The following MCC variants were observed in gnomAD, a reference collection of about 807,000 sequenced individuals.
MCC encodes the protein colorectal mutant cancer protein.
MCC carries 90 observed loss-of-function variants against 116.2 expected under a neutral mutation model. That is an observed-to-expected ratio of 0.77 (90% CI 0.65 to 0.92). The LOEUF is 0.92. Among genes scored for constraint, MCC ranks in the 40% least tolerant of loss-of-function variants. The pLI, the probability that MCC is intolerant of heterozygous loss-of-function variation, is 0.00. For synonymous variants in MCC, 578 were observed against 510.5 expected (o/e 1.13, Z -1.78); for missense variants, 1,516 against 1,312.2 (o/e 1.16, Z -2.40).
rs1380454877 is a variant in MCC at position 113,063,701 on chromosome 5, C to G, written c.2213+283G>C. Among the ~76,000 whole-genome samples, 4 of 152,348 alleles carry G rather than the reference C, an allele frequency of 2.6e-5. 1 individual carries two copies. The Middle Eastern group carries it at 0.014, about 518-fold the overall frequency. ...ACAGAACAATGCAGAGAAAATGGATCTGACAGAAAGGTAGGTTTGCATTCC... is the reference window on the plus strand; with the variant it reads ...ACAGAACAATGCAGAGAAAATGGATGTGACAGAAAGGTAGGTTTGCATTCC... On this transcript the variant is annotated intron_variant, in intron 14 of 18. Coordinates refer to ENST00000408903, the MANE Select transcript of MCC (RefSeq NM_001085377.2).
At chr5:113,027,616 C>G in intron 18 of MCC, 134 bp from the exon 19 acceptor site, 1 of 846,244 alleles carries the variant, frequency 1.2e-6, no homozygotes, top group Non-Finnish European at 1.9e-6. Context: ...CGGTAAGAAT[C>G]TGAAATCTAG....
intron 2 of MCC, among the ~76,000 whole-genome samples, chr5:113,379,005 G>C (rs1769047711): frequency 6.6e-6 from 1 of 152,192 alleles, no homozygotes; most frequent in African/African-American, 2.4e-5. Flanking sequence ...GTAGCATACA[G>C]AATACCTCAC....
chr5:113,306,591 T>C (rs1190563832), intron 3 of MCC, among the ~76,000 whole-genome samples: 1 of 152,252 alleles, frequency 6.6e-6, no homozygotes, highest in Non-Finnish European at 1.5e-5. Context: ...TGTTTAATTT[T>C]AAGATTTCTT....
chr5:113,223,633 T>C (rs907745045), intron 3 of MCC, among the ~76,000 whole-genome samples: 3 of 151,912 alleles, frequency 2.0e-5, no homozygotes, highest in Admixed American at 6.6e-5. Flanking sequence ...AGGGATTAAA[T>C]GGTAATTCGA....
At chr5:113,055,597 G>A (rs866884175) in intron 14 of MCC, among the ~76,000 whole-genome samples, 7 of 152,184 alleles carry the variant, frequency 4.6e-5, no homozygotes, top group African/African-American at 7.2e-5. Context: ...TTGGGGCTGC[G>A]TCTCACTCCC....
intron 1 of MCC, among the ~76,000 whole-genome samples, chr5:113,390,757 G>A (rs1769380092): frequency 6.6e-6 from 1 of 152,128 alleles, no homozygotes; most frequent in Admixed American, 6.6e-5. Context: ...GTTGGAATGA[G>A]GGCTATACAG....
At chr5:113,124,888 G>C (rs537922753) in intron 5 of MCC, among the ~76,000 whole-genome samples, 3 of 152,258 alleles carry the variant, frequency 2.0e-5, no homozygotes, top group African/African-American at 7.2e-5. Flanking sequence ...GGTGAACACT[G>C]GTGGAATATC....
intron 3 of MCC, among the ~76,000 whole-genome samples, chr5:113,289,411 G>C (rs1450411606): frequency 6.6e-6 from 1 of 151,884 alleles, no homozygotes; most frequent in Non-Finnish European, 1.5e-5. Flanking sequence ...CTTCTGGAGT[G>C]GGTTTAAATT....
At chr5:113,227,848 A>C (rs1581278804) in intron 3 of MCC, among the ~76,000 whole-genome samples, 1 of 152,170 alleles carries the variant, frequency 6.6e-6, no homozygotes, top group African/African-American at 2.4e-5. Flanking sequence ...CATTTTTTAG[A>C]CCTGCCATGG....
At chr5:113,184,719 A>G (rs1022149317) in intron 3 of MCC, among the ~76,000 whole-genome samples, 2 of 152,150 alleles carry the variant, frequency 1.3e-5, no homozygotes, top group Non-Finnish European at 2.9e-5. Context: ...GGACAGGTAT[A>G]AGTAAAGTGG....
At chr5:113,044,802 G>A (rs1751961592) in intron 16 of MCC, among the ~76,000 whole-genome samples, 1 of 152,210 alleles carries the variant, frequency 6.6e-6, no homozygotes, top group Non-Finnish European at 1.5e-5. Flanking sequence ...TCAAACTCCT[G>A]ACCTCAGGTA....
chr5:113,143,451 C>CTCAGTG (rs1759310103), intron 4 of MCC, 91 bp from the exon 5 acceptor site: 1 of 1,341,034 alleles, frequency 7.5e-7, no homozygotes, highest in Admixed American at 2.1e-5. Context: ...ACCATTACAA[C>CTCAGTG]TGCCAACACT....
intron 1 of MCC, among the ~76,000 whole-genome samples, chr5:113,437,953 T>G (rs749934256): frequency 6.6e-5 from 10 of 152,162 alleles, no homozygotes; most frequent in Non-Finnish European, 1.3e-4. Context: ...GGGATTCTCT[T>G]TGGATACCAT....
intron 3 of MCC, among the ~76,000 whole-genome samples, chr5:113,173,293 T>C (rs1241107207): frequency 3.3e-5 from 5 of 152,334 alleles, no homozygotes; most frequent in African/African-American, 9.6e-5. Flanking sequence ...TTAAACCTTT[T>C]ATTCATCTGG....
chr5:113,052,570 G>C (rs947169731), intron 15 of MCC, among the ~76,000 whole-genome samples: 1 of 152,200 alleles, frequency 6.6e-6, no homozygotes, highest in South Asian at 2.1e-4. Context: ...ACAGGGCTGT[G>C]CTGAGTGAGT....
rs189964515 is a variant in MCC at position 113,238,061 on chromosome 5, T to C, written c.628-86639A>G. The stretch of plus-strand genomic sequence containing the variant: ...AAAATTTCTGGCTGCAAGACTGATA[T>C]CAGACAGACATCAAGAATGCAGCTA... On this transcript the variant is annotated intron_variant, in intron 3 of 18. Coordinates refer to ENST00000408903, the MANE Select transcript of MCC (RefSeq NM_001085377.2). 1.1e-3 allele frequency among the ~76,000 whole-genome samples: 160 copies of C among 152,322 alleles called. 1 individual carries two copies. The highest frequency in any genetic ancestry group is 6.8e-3 in the Middle Eastern group (2 of 294).
chr5:113,110,177 C>A (rs929027482), intron 6 of MCC, among the ~76,000 whole-genome samples: 2 of 152,104 alleles, frequency 1.3e-5, no homozygotes, highest in African/African-American at 4.8e-5. Flanking sequence ...CCTTTGGTAG[C>A]AAATACACAT....
intron 3 of MCC, 121 bp downstream of exon 3, chr5:113,340,398 C>T (rs1451212891): frequency 8.1e-6 from 7 of 860,740 alleles, no homozygotes; most frequent in Non-Finnish European, 1.3e-5. Flanking sequence ...GGAAATGGTA[C>T]AATATTTACC....
chr5:113,187,746 C>T (rs903164716), intron 3 of MCC, among the ~76,000 whole-genome samples: 1 of 88,582 alleles, frequency 1.1e-5, no homozygotes, highest in African/African-American at 3.9e-5. Flanking sequence ...CTGAGTGAGA[C>T]TCCAACTCAA....
Sources: gnomAD v4.1 joint callset for allele counts (sites outside exome capture counted in the v4.1 genomes callset) on GRCh38, gnomAD v4.1.1 for gene constraint, MANE v1.5 for transcripts, NCBI Gene and HGNC (gene_info 2026-07-23, HGNC 2026-07-21) for gene names.